Variants in IFT88 observed in about 807,000 individuals in gnomAD.
IFT88 encodes the protein intraflagellar transport protein 88 homolog.
IFT88 carries 74 observed loss-of-function variants against 119.5 expected under a neutral mutation model. The ratio of observed to expected loss-of-function variants is 0.62; its 90% CI spans 0.51 to 0.75. The LOEUF is 0.75. Ranked by LOEUF, IFT88 falls within the 30% of genes least tolerant of loss-of-function variation. The probability of loss-of-function intolerance (pLI) is 0.00; values close to 1 mark genes in which losing one functional copy is unlikely to be tolerated. For missense variants in IFT88, 961 were observed against 977.7 expected (o/e 0.98, Z 0.23); for synonymous variants, 279 against 316.7 (o/e 0.88, Z 1.26).
intron 2 of IFT88, among the ~76,000 whole-genome samples, chr13:20,577,500 A>G (rs2037614840): frequency 6.6e-6 from 1 of 151,978 alleles, no homozygotes; most frequent in Non-Finnish European, 1.5e-5. Context: ...AGTCTGTTAC[A>G]TGACTTTTTT....
At chr13:20,657,154 C>G (rs1226767694) in intron 22 of IFT88, among the ~76,000 whole-genome samples, 1 of 152,150 alleles carries the variant, frequency 6.6e-6, no homozygotes, top group Admixed American at 6.5e-5. Flanking sequence ...CTGCTCCTGG[C>G]GGCAAATAAT....
At chr13:20,675,597 T>A (rs2056566198) in intron 24 of IFT88, among the ~76,000 whole-genome samples, 1 of 152,206 alleles carries the variant, frequency 6.6e-6, no homozygotes, top group Admixed American at 6.5e-5. Flanking sequence ...AGACTTTTTC[T>A]GTAAAGGGCC....
At chr13:20,648,362 C>T (rs2051061387) in intron 20 of IFT88, among the ~76,000 whole-genome samples, 2 of 152,154 alleles carry the variant, frequency 1.3e-5, no homozygotes, top group South Asian at 4.1e-4. Flanking sequence ...CACCACTGCA[C>T]TCCAGCCTGG....
chr13:20,656,448 A>G lies in IFT88; in HGVS notation c.2068+18A>G. 1.5e-6 allele frequency: 2 copies of G among 1,309,880 alleles called. No homozygotes were observed. The highest frequency in any genetic ancestry group is 2.1e-6 in the Non-Finnish European group (2 of 936,540). 81.1% of individuals were successfully genotyped at this position (1,309,880 alleles called of 1,614,324 possible). ...TGTCGAATGTAAGTGGCATTACATA[A>G]TGTAACTTTGAAGTGATAAGTTCTC... On this transcript the variant is annotated intron_variant, in intron 22 of 25. Transcript: ENST00000351808.
chr13:20,623,231 G>A (rs1311868929), intron 14 of IFT88, among the ~76,000 whole-genome samples: 1 of 152,122 alleles, frequency 6.6e-6, no homozygotes, highest in Non-Finnish European at 1.5e-5. Flanking sequence ...TAATTACTTT[G>A]AAATCAGAAA....
At chr13:20,613,721 C>T (rs1332392893) in intron 13 of IFT88, among the ~76,000 whole-genome samples, 1 of 151,914 alleles carries the variant, frequency 6.6e-6, no homozygotes, top group African/African-American at 2.4e-5. Context: ...ATGGTCTATC[C>T]ATAATATGGG....
intron 24 of IFT88, among the ~76,000 whole-genome samples, chr13:20,689,383 CGTT>C (rs1328978956): frequency 6.6e-6 from 1 of 152,132 alleles, no homozygotes; most frequent in African/African-American, 2.4e-5. Flanking sequence ...AGTGAAATAA[CGTT>C]GTCGTATTTA....
intron 13 of IFT88, 22 bp downstream of exon 13, chr13:20,605,127 CGTA>C: frequency 7.9e-6 from 8 of 1,013,342 alleles, no homozygotes; most frequent in East Asian, 2.5e-5. Flanking sequence ...AACTTAATAA[CGTA>C]GTTATTAATT....
chr13:20,567,945 C>T, intron 1 of IFT88: 1 of 700,580 alleles, frequency 1.4e-6, no homozygotes, highest in Non-Finnish European at 2.6e-6. Flanking sequence ...TTCCCTGGGC[C>T]ACATCGGAAG....
intron 12 of IFT88, among the ~76,000 whole-genome samples, chr13:20,602,870 A>C (rs971606827): frequency 6.6e-6 from 1 of 151,920 alleles, no homozygotes; most frequent in Non-Finnish European, 1.5e-5. Context: ...GTGACAGAGC[A>C]AGACTCTGTC....
chr13:20,636,797 G>A (rs1337757203), intron 16 of IFT88, among the ~76,000 whole-genome samples: 5 of 152,188 alleles, frequency 3.3e-5, no homozygotes, highest in African/African-American at 1.2e-4. Context: ...TCACTTGTCG[G>A]TACCAATTTT....
At chr13:20,590,811 A>G (rs907970375) in intron 4 of IFT88, among the ~76,000 whole-genome samples, 156 bp from the exon 5 acceptor site, 1 of 152,148 alleles carries the variant, frequency 6.6e-6, no homozygotes, top group Non-Finnish European at 1.5e-5. Context: ...CCTGTTTTAT[A>G]GTTTTATGGT....
intron 20 of IFT88, among the ~76,000 whole-genome samples, chr13:20,646,610 G>A (rs774021291): frequency 1.3e-5 from 2 of 151,824 alleles, no homozygotes; most frequent in Non-Finnish European, 2.9e-5. Flanking sequence ...GAGACACCAC[G>A]CCCAGCCTAC....
intron 23 of IFT88, among the ~76,000 whole-genome samples, chr13:20,669,908 T>C (rs2055493538): frequency 6.6e-6 from 1 of 152,212 alleles, no homozygotes; most frequent in Non-Finnish European, 1.5e-5. Flanking sequence ...GAAGTGCTTT[T>C]CCTTTTAATG....
chr13:20,573,136 T>C (rs2137916086), intron 1 of IFT88, among the ~76,000 whole-genome samples: 1 of 152,294 alleles, frequency 6.6e-6, no homozygotes, highest in African/African-American at 2.4e-5. Context: ...ACATCTCCTT[T>C]ACCTTCTTGG....
intron 3 of IFT88, among the ~76,000 whole-genome samples, 188 bp downstream of exon 3, chr13:20,583,207 C>T (rs1350876567): frequency 1.3e-5 from 2 of 152,114 alleles, no homozygotes; most frequent in Non-Finnish European, 1.5e-5. Flanking sequence ...ATCCATTAAA[C>T]AAAAACTTCC....
intron 3 of IFT88, among the ~76,000 whole-genome samples, chr13:20,583,839 T>A (rs1051712078): frequency 2.6e-5 from 4 of 152,224 alleles, no homozygotes; most frequent in African/African-American, 9.6e-5. Context: ...TTCATTATTT[T>A]GCACATGGAT....
At chr13:20,596,108 A>C (rs551644154) in intron 7 of IFT88, 42 bp from the exon 8 acceptor site, 14 of 604,780 alleles carry the variant, frequency 2.3e-5, no homozygotes, top group Non-Finnish European at 3.3e-5. Context: ...AGATTTTTAG[A>C]GGTTGAATGA....
rs373086885 is a variant in IFT88, at chr13:20,599,577, A to G, written c.812+12A>G. 10 of 1,113,944 alleles carry G rather than the reference A, an allele frequency of 9.0e-6. No homozygotes were observed. In the African/African-American group the frequency reaches 1.4e-4, roughly 16 times the overall value. The allele number at this position is 1,113,944 out of a possible 1,614,324, so 69.0% of individuals were successfully genotyped here. On this transcript the variant is annotated intron_variant, in intron 11 of 25. Coordinates refer to ENST00000351808, the MANE Select transcript of IFT88 (RefSeq NM_006531.5). ...AATAAGCAAATGAGGTAAGTTTATA[A>G]CAATAGATAATAATTGTAAAATTTA...
Sources: gnomAD v4.1 joint callset for allele counts (sites outside exome capture counted in the v4.1 genomes callset) on GRCh38, gnomAD v4.1.1 for gene constraint, MANE v1.5 for transcripts, NCBI Gene and HGNC (gene_info 2026-07-23, HGNC 2026-07-21) for gene names.